The following ST8SIA4 variants were observed in gnomAD, a reference collection of about 807,000 sequenced individuals.
ST8SIA4 encodes CMP-N-acetylneuraminate-poly-alpha-2,8-sialyltransferase.
Under a neutral mutation model 33.9 loss-of-function variants are expected in ST8SIA4, and 15 were observed. That is an observed-to-expected ratio of 0.44 (90% CI 0.30 to 0.68). The LOEUF (loss-of-function observed/expected upper bound fraction) is 0.68. ST8SIA4 is among the 30% of genes least tolerant of loss of function. The probability of loss-of-function intolerance (pLI) is 0.10; values close to 1 mark genes in which losing one functional copy is unlikely to be tolerated. For synonymous variants in ST8SIA4, 171 were observed against 151.2 expected (o/e 1.13, Z -0.96); for missense variants, 321 against 428.0 (o/e 0.75, Z 2.21).
intron 4 of ST8SIA4, among the ~76,000 whole-genome samples, chr5:100,840,608 GA>G (rs1035054472): frequency 6.6e-6 from 1 of 151,698 alleles, no homozygotes; most frequent in Admixed American, 6.6e-5. Context: ...CACAGTGCTT[GA>G]ATAAGGCAAA....
Position 100,810,743 on chromosome 5 carries a change from G to T in ST8SIA4, c.*1104C>A, listed in dbSNP as rs2544919. 0.9 allele frequency: 136,822 copies of T among 152,512 alleles called. 62,215 individuals carry two copies. The highest frequency in any genetic ancestry group is 0.98 in the Middle Eastern group (288 of 294). The allele number at this position is 152,512 out of a possible 1,614,324, so 9.4% of individuals were successfully genotyped here. The stretch of plus-strand genomic sequence containing the variant: ...TTGGTACCAAAGATTTTTTTTTCCC[G>T]GCCTATTTTACCATCTCTGATGACA... On this transcript the variant is annotated 3_prime_UTR_variant, in exon 5 of 5. Coordinates refer to ENST00000231461, the MANE Select transcript of ST8SIA4 (RefSeq NM_005668.6).
intron 2 of ST8SIA4, among the ~76,000 whole-genome samples, chr5:100,888,985 A>C (rs1752600993): frequency 6.6e-6 from 1 of 151,914 alleles, no homozygotes; most frequent in Non-Finnish European, 1.5e-5. Flanking sequence ...CTACAAATGA[A>C]ATCACAAAAA....
chr5:100,861,047 GA>G (rs1239965576), intron 3 of ST8SIA4, among the ~76,000 whole-genome samples: 2 of 152,014 alleles, frequency 1.3e-5, no homozygotes, highest in Non-Finnish European at 2.9e-5. Flanking sequence ...TAAGACTTTT[GA>G]AATATTAACC....
rs1325766306 is a variant in ST8SIA4, at chr5:100,808,503, A to G, written c.*3344T>C. ...AATGATGAAAATGTTTCCATGGTCTATTCATGTCAACAGCACAATAACAAC... is the reference window on the plus strand; with the variant it reads ...AATGATGAAAATGTTTCCATGGTCTGTTCATGTCAACAGCACAATAACAAC... On this transcript the variant is annotated 3_prime_UTR_variant, in exon 5 of 5. Coordinates refer to ENST00000231461, the MANE Select transcript of ST8SIA4 (RefSeq NM_005668.6). 6.6e-6 allele frequency: 1 copy of G among 152,580 alleles called. No homozygotes were observed. The highest frequency in any genetic ancestry group is 2.4e-5 in the African/African-American group (1 of 41,464). 9.5% of individuals were successfully genotyped at this position (152,580 alleles called of 1,614,324 possible).
rs187731543 is a variant in ST8SIA4 at position 100,824,618 on chromosome 5, T to C, written c.798-12489A>G. 2.0e-3 allele frequency among the ~76,000 whole-genome samples: 309 copies of C among 152,184 alleles called. 1 individual carries two copies. The highest frequency in any genetic ancestry group is 4.1e-3 in the Admixed American group (63 of 15,296). On this transcript the variant is annotated intron_variant, in intron 4 of 4. Coordinates refer to ENST00000231461, the MANE Select transcript of ST8SIA4 (RefSeq NM_005668.6). ...CAAACTCAGGAACTAAGGAACTCTG[T>C]TATATATCTCTAAGGAATTTTAAAT... is the stretch of plus-strand genomic sequence containing the variant.
chr5:100,900,779 G>T (rs1482410888), intron 1 of ST8SIA4, among the ~76,000 whole-genome samples: 1 of 140,118 alleles, frequency 7.1e-6, no homozygotes, highest in African/African-American at 2.6e-5. Context: ...GGGGTGGGGT[G>T]GGGGTGGAAG....
At chr5:100,814,735 T>C (rs1750878656) in intron 4 of ST8SIA4, among the ~76,000 whole-genome samples, 1 of 151,974 alleles carries the variant, frequency 6.6e-6, no homozygotes, top group African/African-American at 2.4e-5. Context: ...TATAGGCCAA[T>C]CTAAATTATT....
chr5:100,897,196 A>T (rs1477744942), intron 1 of ST8SIA4, among the ~76,000 whole-genome samples: 1 of 152,180 alleles, frequency 6.6e-6, no homozygotes, highest in East Asian at 1.9e-4. Context: ...TTTCTCTTAC[A>T]TTAAAAAAAC....
chr5:100,835,758 T>A (rs959809731), intron 4 of ST8SIA4, among the ~76,000 whole-genome samples: 2 of 152,146 alleles, frequency 1.3e-5, no homozygotes, highest in African/African-American at 4.8e-5. Flanking sequence ...AATGGACCTA[T>A]CCCCACTTTG....
At chr5:100,845,836 G>A (rs1751557655) in intron 4 of ST8SIA4, among the ~76,000 whole-genome samples, 1 of 151,930 alleles carries the variant, frequency 6.6e-6, no homozygotes, top group Admixed American at 6.6e-5. Context: ...GATTTTGAAA[G>A]ATAACACCCA....
rs1444964861 is a variant in ST8SIA4, at chr5:100,856,353, T to A, written c.547A>T (p.Thr183Ser). The A allele has an allele frequency of 1.2e-6, 2 of 1,613,968 alleles. No individual in the cohort carries two copies. Among genetic ancestry groups the A allele is most frequent in the Non-Finnish European group, 1.7e-6 (2 of 1,179,918 alleles). Reference protein sequence around the residue: ...PVVEFAADVGTKSDFITMNPS... With the variant: ...PVVEFAADVGSKSDFITMNPS... ...TTCATGGTAATAAAATCTGATTTAG[T>A]TCCCACATCTGCAGCAAACTCCACC... The change falls in exon 4 of 5, where the codon ACT becomes TCT. Residue 183 changes from threonine to serine, a missense_variant. Transcript: ENST00000231461.
At chr5:100,835,793 CATT>C (rs1191264697) in intron 4 of ST8SIA4, among the ~76,000 whole-genome samples, 2 of 152,104 alleles carry the variant, frequency 1.3e-5, no homozygotes, top group Non-Finnish European at 2.9e-5. Context: ...CATATTCATT[CATT>C]ATTAATATTC....
At chr5:100,877,879 CT>C (rs796069464) in intron 3 of ST8SIA4, among the ~76,000 whole-genome samples, 58 of 152,234 alleles carry the variant, frequency 3.8e-4, no homozygotes, top group African/African-American at 1.3e-3. Context: ...TAACTTTTGT[CT>C]TTGGGAAAAT....
At chr5:100,899,782 A>C (rs1010700888) in intron 1 of ST8SIA4, among the ~76,000 whole-genome samples, 7 of 152,228 alleles carry the variant, frequency 4.6e-5, no homozygotes, top group Admixed American at 3.9e-4. Flanking sequence ...AAAAGTGCAC[A>C]AAGAGCTAAT....
chr5:100,845,189 TC>T (rs1331846481), intron 4 of ST8SIA4, among the ~76,000 whole-genome samples: 3 of 152,002 alleles, frequency 2.0e-5, no homozygotes, highest in African/African-American at 7.2e-5. Context: ...AAAGACCTAA[TC>T]TAAACTATTA....
In ST8SIA4 at chr5:100,860,511, T is replaced by G. The variant is rs1751912661; in HGVS notation, c.504-4115A>C. Among the ~76,000 whole-genome samples the G allele has an allele frequency of 2.0e-5, 3 of 152,352 alleles. No homozygotes were observed. In the South Asian group the frequency reaches 6.2e-4, roughly 32 times the overall value. The stretch of plus-strand genomic sequence containing the variant: ...CTTTCTCAAAATTTCTGTGGAAAGT[T>G]GGCACATGCGACCTGCCAGTCTCTT... On this transcript the variant is annotated intron_variant, in intron 3 of 4. Transcript: ENST00000231461.
At chr5:100,848,330 A>G (rs1224865153) in intron 4 of ST8SIA4, among the ~76,000 whole-genome samples, 1 of 151,022 alleles carries the variant, frequency 6.6e-6, no homozygotes, top group African/African-American at 2.4e-5. Flanking sequence ...ATAGAATAAT[A>G]AACATATATA....
intron 4 of ST8SIA4, among the ~76,000 whole-genome samples, chr5:100,845,842 A>G (rs1751557789): frequency 6.6e-6 from 1 of 152,008 alleles, no homozygotes; most frequent in Non-Finnish European, 1.5e-5. Context: ...GAAAGATAAC[A>G]CCCAAGAGAA....
chr5:100,839,661 C>T (rs1751433975), intron 4 of ST8SIA4, among the ~76,000 whole-genome samples: 1 of 151,904 alleles, frequency 6.6e-6, no homozygotes. Flanking sequence ...AGAAAGCACT[C>T]ACTTTCTGAA....
Sources: allele counts gnomAD v4.1 joint callset (sites outside exome capture counted in the v4.1 genomes callset), GRCh38; gene constraint gnomAD v4.1.1; transcripts MANE v1.5; gene names NCBI Gene and HGNC (gene_info 2026-07-23, HGNC 2026-07-21).